Variants in RPIA observed in about 807,000 individuals in gnomAD.
RPIA encodes the protein ribose 5-phosphate isomerase A.
A neutral mutation model predicts 37.8 loss-of-function variants in RPIA; 29 were observed. The observed-to-expected ratio is 0.77, with a 90% CI of 0.57 to 1.05. The LOEUF (loss-of-function observed/expected upper bound fraction) is 1.05. Ranked by LOEUF, RPIA falls within the 50% of genes least tolerant of loss-of-function variation. The pLI is 0.00. For missense variants in RPIA, 385 were observed against 413.6 expected (o/e 0.93, Z 0.60); for synonymous variants, 167 against 157.0 (o/e 1.06, Z -0.48).
rs185215846 is a variant in RPIA at position 88,735,129 on chromosome 2, G to A, written c.527+513G>A. 1.1e-3 allele frequency among the ~76,000 whole-genome samples: 168 copies of A among 152,340 alleles called. 2 individuals are homozygous for A. The highest frequency in any genetic ancestry group is 1.3e-4 in the Non-Finnish European group (9 of 68,034). On this transcript the variant is annotated intron_variant, in intron 5 of 8. Transcript: ENST00000283646. ...ATAATCAAGCAGACTATTGAGTGAT[G>A]CAGCATTTGTTTAAAATCACACTTT...
At chr2:88,712,007 T>C (rs971901291) in intron 3 of RPIA, among the ~76,000 whole-genome samples, 2 of 152,280 alleles carry the variant, frequency 1.3e-5, no homozygotes, top group Middle Eastern at 3.4e-3. Context: ...GTTTTAATGT[T>C]AATGCTTGTC....
intron 6 of RPIA, among the ~76,000 whole-genome samples, chr2:88,736,090 C>T (rs1673311646): frequency 6.6e-6 from 1 of 152,122 alleles, no homozygotes; most frequent in South Asian, 2.1e-4. Flanking sequence ...TGTGCCCTGC[C>T]CACGGGCAGT....
chr2:88,720,624 ATATT>A (rs1673108654), intron 3 of RPIA, among the ~76,000 whole-genome samples: 1 of 149,428 alleles, frequency 6.7e-6, no homozygotes, highest in South Asian at 2.1e-4. Flanking sequence ...GTTTAAATAT[ATATT>A]ATTTAAATAT....
intron 2 of RPIA, 81 bp downstream of exon 2, chr2:88,698,625 C>G (rs907080139): frequency 8.4e-6 from 11 of 1,315,234 alleles, no homozygotes; most frequent in Non-Finnish European, 1.2e-5. Flanking sequence ...AAGTGGCACA[C>G]AGGTTTGGCA....
At chr2:88,743,296 C>A (rs935147722) in intron 8 of RPIA, among the ~76,000 whole-genome samples, 3 of 151,994 alleles carry the variant, frequency 2.0e-5, no homozygotes, top group Non-Finnish European at 2.9e-5. Context: ...TTGAGATGAT[C>A]GTATGATTTT....
At chr2:88,727,858 GT>G (rs1409240345) in intron 3 of RPIA, among the ~76,000 whole-genome samples, 1 of 151,928 alleles carries the variant, frequency 6.6e-6, no homozygotes, top group Non-Finnish European at 1.5e-5. Flanking sequence ...AAATCATAAG[GT>G]TTTTTTTGAA....
Position 88,691,705 on chromosome 2 carries a change from C to A in RPIA, c.7C>A (p.Arg3Ser). Reference sequence around the variant, plus strand: ...GCCGGAGCGAGGCGTCGGGATGCAGCGCCCCGGGCCCTTCAGCACCCTCTA... The same window carrying A: ...GCCGGAGCGAGGCGTCGGGATGCAGAGCCCCGGGCCCTTCAGCACCCTCTA... Reference protein sequence around the residue: MQRPGPFSTLYGR... With the variant: MQSPGPFSTLYGR... The change falls in exon 1 of 9, where the codon CGC (arginine) becomes AGC (serine). Residue 3 changes from arginine (R) to serine (S), a missense_variant. By Grantham distance (110) the Arg-to-Ser change is moderately radical. Transcript: ENST00000283646. 6.4e-7 allele frequency: 1 copy of A among 1,567,964 alleles called. No individual in the cohort carries two copies. Among genetic ancestry groups the A allele is most frequent in the South Asian group, 1.2e-5 (1 of 85,908 alleles).
At chr2:88,692,573 A>G (rs1188056602) in intron 1 of RPIA, among the ~76,000 whole-genome samples, 2 of 152,002 alleles carry the variant, frequency 1.3e-5, no homozygotes, top group Admixed American at 6.5e-5. Context: ...GTCTGCAGAG[A>G]TGTTTAGCTG....
intron 4 of RPIA, among the ~76,000 whole-genome samples, chr2:88,733,774 T>TA (rs1673280540): frequency 6.6e-6 from 1 of 152,234 alleles, no homozygotes; most frequent in South Asian, 2.1e-4. Flanking sequence ...TTGCTGTCTT[T>TA]AAAAATATAC....
At chr2:88,725,353 A>C (rs1418039931) in intron 3 of RPIA, among the ~76,000 whole-genome samples, 4 of 152,040 alleles carry the variant, frequency 2.6e-5, no homozygotes, top group Non-Finnish European at 5.9e-5. Flanking sequence ...TAAAAAAAAA[A>C]AAACAGAAAT....
chr2:88,742,166 C>T (rs1314396676), intron 8 of RPIA, among the ~76,000 whole-genome samples: 1 of 152,162 alleles, frequency 6.6e-6, no homozygotes, highest in African/African-American at 2.4e-5. Context: ...GTGTTGTCCT[C>T]TAGAGTTTTT....
intron 3 of RPIA, among the ~76,000 whole-genome samples, 160 bp from the exon 4 acceptor site, chr2:88,729,118 G>A (rs1295487468): frequency 6.6e-6 from 1 of 152,196 alleles, no homozygotes; most frequent in African/African-American, 2.4e-5. Flanking sequence ...AGTTAGTTTT[G>A]CCATTCATGG....
intron 3 of RPIA, among the ~76,000 whole-genome samples, chr2:88,704,867 A>G (rs1316953834): frequency 6.6e-6 from 1 of 152,248 alleles, no homozygotes; most frequent in Non-Finnish European, 1.5e-5. Flanking sequence ...CAACTTTAGC[A>G]AAGTCTCAGG....
intron 3 of RPIA, among the ~76,000 whole-genome samples, chr2:88,709,819 A>G (rs1454615236): frequency 6.6e-6 from 1 of 152,246 alleles, no homozygotes; most frequent in East Asian, 1.9e-4. Flanking sequence ...TGCTGCGTCA[A>G]CAAAATACTT....
intron 3 of RPIA, among the ~76,000 whole-genome samples, chr2:88,710,332 C>G (rs1002083432): frequency 2.6e-5 from 4 of 152,136 alleles, no homozygotes; most frequent in African/African-American, 9.7e-5. Context: ...AGATGTGAGC[C>G]ACTGCGCCCA....
chr2:88,745,752 C>G (rs1458177217), intron 8 of RPIA, among the ~76,000 whole-genome samples: 1 of 152,124 alleles, frequency 6.6e-6, no homozygotes, highest in Non-Finnish European at 1.5e-5. Flanking sequence ...TGACTATATG[C>G]CTAGGTGGTG....
intron 3 of RPIA, among the ~76,000 whole-genome samples, chr2:88,701,907 G>A (rs527242004): frequency 6.6e-6 from 1 of 152,184 alleles, no homozygotes; most frequent in Admixed American, 6.5e-5. Flanking sequence ...TATTTGTAAT[G>A]TAGGAATATT....
intron 3 of RPIA, among the ~76,000 whole-genome samples, chr2:88,705,642 A>G (rs1279274217): frequency 1.3e-5 from 2 of 152,246 alleles, no homozygotes; most frequent in African/African-American, 4.8e-5. Flanking sequence ...CATTCAGGAC[A>G]TAGGCACAGG....
At chr2:88,697,029 T>C (rs1230385414) in intron 1 of RPIA, among the ~76,000 whole-genome samples, 1 of 152,246 alleles carries the variant, frequency 6.6e-6, no homozygotes, top group African/African-American at 2.4e-5. Flanking sequence ...AGAAGATCTG[T>C]TAATAATTGT....
Sources: allele counts gnomAD v4.1 joint callset (sites outside exome capture counted in the v4.1 genomes callset), GRCh38; gene constraint gnomAD v4.1.1; transcripts MANE v1.5; gene names NCBI Gene and HGNC (gene_info 2026-07-23, HGNC 2026-07-21).